The following PCSK5 variants were observed in gnomAD, a reference collection of about 807,000 sequenced individuals.
PCSK5 encodes the protein prohormone convertase 5.
Under a neutral mutation model 233.2 loss-of-function variants are expected in PCSK5, and 129 were observed. That is an observed-to-expected ratio of 0.55 (90% CI 0.48 to 0.64). The LOEUF is 0.64. Ranked by LOEUF, PCSK5 falls within the 30% of genes least tolerant of loss-of-function variation. The probability of loss-of-function intolerance (pLI) is 0.00; values close to 1 mark genes in which losing one functional copy is unlikely to be tolerated. For missense variants in PCSK5, 2,076 were observed against 2,430.1 expected (o/e 0.85, Z 3.06); for synonymous variants, 825 against 879.2 (o/e 0.94, Z 1.09).
chr9:76,023,651 AAAAAAAAAC>A, intron 3 of PCSK5, 78 bp from the exon 4 acceptor site: 2 of 1,334,654 alleles, frequency 1.5e-6, no homozygotes, highest in Non-Finnish European at 2.0e-6. Context: ...CAGCAGAGAA[AAAAAAAAAC>A]AAAAGAAAGA....
chr9:76,227,629 C>T lies in PCSK5; in HGVS notation c.2729+24C>T, dbSNP rs765566297. On this transcript the variant is annotated intron_variant, in intron 21 of 37. Transcript: ENST00000674117. ...AGGTAAGTGGCTTCTCAGGATCTCC[C>T]GGTGGTGTGAGCTCATGGATTGCAG... 9.5e-6 allele frequency: 14 copies of T among 1,470,080 alleles called. 1 individual carries two copies. Among genetic ancestry groups the T allele is most frequent in the African/African-American group, 5.5e-5 (4 of 72,170 alleles). 91.1% of individuals were successfully genotyped at this position (1,470,080 alleles called of 1,614,324 possible). A position where few individuals can be genotyped will look rare whatever the true frequency, so the allele number is the denominator to read the frequency against.
chr9:76,170,720 A>G (rs1823295668), intron 13 of PCSK5, among the ~76,000 whole-genome samples: 1 of 152,236 alleles, frequency 6.6e-6, no homozygotes, highest in Non-Finnish European at 1.5e-5. Flanking sequence ...AGCCCTCTCC[A>G]GATTACAGAA....
chr9:76,333,418 C>T (rs771891096), intron 34 of PCSK5, among the ~76,000 whole-genome samples: 3 of 152,160 alleles, frequency 2.0e-5, no homozygotes, highest in Non-Finnish European at 4.4e-5. Flanking sequence ...TCCATTTATT[C>T]CCCATTAATT....
In PCSK5 at chr9:75,921,397, C is replaced by T. The variant is rs148566025; in HGVS notation, c.193-10982C>T. ...GAAAGCGAACATATACTGTTCTAGG[C>T]AGTAATTCTAGCAATGTTTTCACCT... On this transcript the variant is annotated intron_variant, in intron 1 of 37. Transcript: ENST00000674117. Among the ~76,000 whole-genome samples, 460 of 152,246 alleles carry T rather than the reference C, an allele frequency of 3.0e-3. 4 individuals are homozygous for T. The highest frequency in any genetic ancestry group is 0.011 in the African/African-American group (444 of 41,538).
Position 75,908,865 on chromosome 9 carries a change from CTCTTTCTATTTA to C in PCSK5, c.192+17496_192+17507del, listed in dbSNP as rs773391233. Among the ~76,000 whole-genome samples, 995 of 135,178 alleles carry C rather than the reference CTCTTTCTATTTA, an allele frequency of 7.4e-3. 10 individuals carry two copies. The highest frequency in any genetic ancestry group is 0.014 in the African/African-American group (532 of 38,436). 88.7% of individuals were successfully genotyped at this position (135,178 alleles called of 152,430 possible). ...ATCCATCCGCCATCCATGCATCCTTCTCTTTCTATTTATCTATCTATCTATCTATCTATCTAT... is the reference window on the plus strand; with the variant it reads ...ATCCATCCGCCATCCATGCATCCTTCTCTATCTATCTATCTATCTATCTAT... On this transcript the variant is annotated intron_variant, in intron 1 of 37. Transcript: ENST00000674117.
intron 5 of PCSK5, among the ~76,000 whole-genome samples, chr9:76,036,680 C>T (rs543258199): frequency 6.6e-6 from 1 of 152,364 alleles, no homozygotes; most frequent in South Asian, 2.1e-4. Flanking sequence ...TTACTACTCA[C>T]AACAACCCAC....
intron 1 of PCSK5, among the ~76,000 whole-genome samples, chr9:75,923,074 C>T (rs943464024): frequency 6.6e-6 from 1 of 152,138 alleles, no homozygotes; most frequent in African/African-American, 2.4e-5. Context: ...TTGAATGTGG[C>T]TCTACAAAAC....
intron 8 of PCSK5, among the ~76,000 whole-genome samples, chr9:76,102,372 T>G (rs1395538624): frequency 6.6e-6 from 1 of 152,188 alleles, no homozygotes; most frequent in Non-Finnish European, 1.5e-5. Context: ...TAAATACCTC[T>G]TGCATACTGT....
At chr9:76,062,092 T>A (rs7869270) in intron 5 of PCSK5, among the ~76,000 whole-genome samples, 65,017 of 151,782 alleles carry the variant, frequency 0.43, 14,506 homozygotes, top group South Asian at 0.51. Context: ...ACAAAAAAAT[T>A]TAAAAATTAG....
intron 9 of PCSK5, among the ~76,000 whole-genome samples, chr9:76,115,056 A>G (rs1247326350): frequency 6.6e-6 from 1 of 152,056 alleles, no homozygotes; most frequent in Non-Finnish European, 1.5e-5. Flanking sequence ...TGGGAAAAGC[A>G]AAAAAATCAA....
In PCSK5 at chr9:76,053,796, T is replaced by G. The variant is rs551091310; in HGVS notation, c.633-14159T>G. On this transcript the variant is annotated intron_variant, in intron 5 of 37. Coordinates refer to ENST00000674117, the MANE Select transcript of PCSK5 (RefSeq NM_001372043.1). ...TCCTGTCTTCTGAGCCCTCCAAGTC[T>G]CTAGGAAGTTCCAAACCTCTGCCTG... 3.3e-5 allele frequency among the ~76,000 whole-genome samples: 5 copies of G among 152,246 alleles called. No individual in the cohort carries two copies. The South Asian group carries it at 1.0e-3, about 32-fold the overall frequency.
chr9:76,332,794 C>T (rs981354432), intron 34 of PCSK5, among the ~76,000 whole-genome samples, 184 bp downstream of exon 34: 5 of 152,150 alleles, frequency 3.3e-5, no homozygotes, highest in African/African-American at 7.2e-5. Context: ...GCAGAGTGAC[C>T]GAGTGAGTTA....
intron 10 of PCSK5, among the ~76,000 whole-genome samples, chr9:76,143,728 C>CTTTT (rs11382449): frequency 1.4e-5 from 2 of 141,994 alleles, no homozygotes; most frequent in African/African-American, 5.1e-5. Flanking sequence ...CTACATCCCA[C>CTTTT]TTTTTTTTTT....
At chr9:76,108,364 A>G (rs1832063813) in intron 9 of PCSK5, among the ~76,000 whole-genome samples, 1 of 152,200 alleles carries the variant, frequency 6.6e-6, no homozygotes, top group African/African-American at 2.4e-5. Context: ...CTAGGGAGGA[A>G]GGGAAAGGCC....
At chr9:75,981,851 T>C (rs1826290471) in intron 2 of PCSK5, among the ~76,000 whole-genome samples, 1 of 152,190 alleles carries the variant, frequency 6.6e-6, no homozygotes, top group Non-Finnish European at 1.5e-5. Flanking sequence ...GTGTGAGCCA[T>C]TGGGCCCAGC....
chr9:76,274,045 A>C (rs1313457616), intron 24 of PCSK5, among the ~76,000 whole-genome samples: 1 of 151,158 alleles, frequency 6.6e-6, no homozygotes, highest in African/African-American at 2.4e-5. Flanking sequence ...TCTCTCAGTT[A>C]TCTCTTCGGA....
intron 5 of PCSK5, among the ~76,000 whole-genome samples, chr9:76,040,329 C>G (rs1411282756): frequency 4.4e-4 from 5 of 11,344 alleles, no homozygotes; most frequent in Non-Finnish European, 3.0e-4. Flanking sequence ...TTCTCTGTCT[C>G]TCTCTCTCTC....
intron 25 of PCSK5, among the ~76,000 whole-genome samples, chr9:76,294,955 C>T (rs1828391199): frequency 1.3e-5 from 2 of 152,008 alleles, no homozygotes; most frequent in South Asian, 4.1e-4. Context: ...GAGTTTGAGA[C>T]CAGCCTGGGC....
At position 76,283,899 on chromosome 9, in the gene PCSK5, G is replaced by A. The variant is rs150588723; in HGVS notation, c.3143-8334G>A. On this transcript the variant is annotated intron_variant, in intron 24 of 37. Transcript: ENST00000674117. ...CAAGTTAATTAGAATCAAATAGTCC[G>A]TCTATAAAGAAGGGCTGGAAGCCAA... is the stretch of plus-strand genomic sequence containing the variant. 1.1e-4 allele frequency among the ~76,000 whole-genome samples: 16 copies of A among 152,266 alleles called. No homozygotes were observed. In the East Asian group the frequency reaches 1.5e-3, roughly 15 times the overall value.
Sources: allele counts gnomAD v4.1 joint callset (sites outside exome capture counted in the v4.1 genomes callset), GRCh38; gene constraint gnomAD v4.1.1; transcripts MANE v1.5; gene names NCBI Gene and HGNC (gene_info 2026-07-23, HGNC 2026-07-21).